CLK1: variants seen among roughly 807,000 people sequenced by gnomAD.
CLK1 encodes the protein dual specificity protein kinase CLK1.
CLK1 carries 40 observed loss-of-function variants against 60.9 expected under a neutral mutation model. The ratio of observed to expected loss-of-function variants is 0.66; its 90% CI spans 0.51 to 0.86. The LOEUF is 0.86. Ranked by LOEUF, CLK1 falls within the 40% of genes least tolerant of loss-of-function variation. CLK1 has a pLI of 0.00. For missense variants in CLK1, 563 were observed against 606.1 expected (o/e 0.93, Z 0.75); for synonymous variants, 203 against 184.4 (o/e 1.10, Z -0.82).
At chr2:200,855,630 CAA>C in intron 9 of CLK1, among the ~76,000 whole-genome samples, 1 of 117,890 alleles carries the variant, frequency 8.5e-6, no homozygotes, top group Admixed American at 8.4e-5. Flanking sequence ...GCCCCCCCCC[CAA>C]AAAATTATAT....
At chr2:200,855,179 A>AC in intron 9 of CLK1, 93 bp from the exon 10 acceptor site, 1 of 947,484 alleles carries the variant, frequency 1.1e-6, no homozygotes, top group East Asian at 2.6e-5. Flanking sequence ...TAAAAAAAAA[A>AC]ACACATGTAA....
intron 1 of CLK1, chr2:200,864,146 GAACCCCAGCA>G (rs1559329792): frequency 6.4e-7 from 1 of 1,551,296 alleles, no homozygotes; most frequent in Non-Finnish European, 8.7e-7. Flanking sequence ...GCACATTCTG[GAACCCCAGCA>G]AATCCCCCCT....
At chr2:200,853,838 C>T (rs531214206) in intron 12 of CLK1, 65 bp downstream of exon 12, 41 of 1,274,974 alleles carry the variant, frequency 3.2e-5, no homozygotes, top group African/African-American at 3.0e-5. Flanking sequence ...AAGCAAGGCT[C>T]GGTCTCAAAA....
chr2:200,854,311 G>A lies in CLK1; in HGVS notation c.1220+305C>T, dbSNP rs563837009. 1.3e-3 allele frequency among the ~76,000 whole-genome samples: 200 copies of A among 152,116 alleles called. 2 individuals are homozygous for A. Among genetic ancestry groups the A allele is most frequent in the African/African-American group, 4.6e-3 (189 of 41,508 alleles). On this transcript the variant is annotated intron_variant, in intron 11 of 12. Transcript: ENST00000321356. Reference sequence around the variant, plus strand: ...AGCACTTTGGGAGGCCGAGGTGGGCGGATCACAAGGTCAGGAGATCGAGAC... The same window carrying A: ...AGCACTTTGGGAGGCCGAGGTGGGCAGATCACAAGGTCAGGAGATCGAGAC...
chr2:200,861,997 C>T lies in CLK1; in HGVS notation c.1-135G>A, dbSNP rs1575081507. On this transcript the variant is annotated intron_variant, in intron 1 of 12. Coordinates refer to ENST00000321356, the MANE Select transcript of CLK1 (RefSeq NM_004071.4). The stretch of plus-strand genomic sequence containing the variant: ...GAATCATTATCACCCAATCTGAAAT[C>T]ACTGATAAATCCAATTACTGTGTTG... The T allele has an allele frequency of 4.4e-6, 3 of 680,096 alleles. No homozygotes were observed. In the East Asian group the frequency reaches 8.1e-5, roughly 18 times the overall value. 42.1% of individuals were successfully genotyped at this position (680,096 alleles called of 1,614,324 possible).
intron 3 of CLK1, chr2:200,860,889 A>C: frequency 9.3e-7 from 1 of 1,079,546 alleles, no homozygotes; most frequent in South Asian, 3.0e-5. Flanking sequence ...GCCCTGTTCT[A>C]CTTTTGTGAT....
intron 7 of CLK1, 123 bp from the exon 8 acceptor site, chr2:200,857,108 C>T (rs10427276): frequency 7.0e-6 from 5 of 719,216 alleles, no homozygotes; most frequent in Non-Finnish European, 7.1e-6. Context: ...GAGTTCGAGA[C>T]CAGCCTGACC....
At chr2:200,863,334 G>T (rs1179496834) in intron 1 of CLK1, 1 of 152,240 alleles carries the variant, frequency 6.6e-6, no homozygotes, top group African/African-American at 2.4e-5. Context: ...CGAAGCAGGA[G>T]GGCTGCTTGA....
intron 11 of CLK1, 81 bp downstream of exon 11, chr2:200,854,535 C>CAA (rs5837758): frequency 6.7e-4 from 468 of 696,388 alleles, no homozygotes; most frequent in East Asian, 1.4e-3. Flanking sequence ...GACTCCATCT[C>CAA]AAAAAAAAAA....
At chr2:200,857,684 C>T (rs2039065764) in intron 7 of CLK1, 34 bp downstream of exon 7, 2 of 1,535,752 alleles carry the variant, frequency 1.3e-6, no homozygotes, top group Non-Finnish European at 1.8e-6. Context: ...ATGGATAAAA[C>T]CAGCAAATTA....
chr2:200,856,388 T>C (rs964293545), intron 9 of CLK1, among the ~76,000 whole-genome samples: 2 of 152,076 alleles, frequency 1.3e-5, no homozygotes, highest in African/African-American at 2.4e-5. Context: ...CCCAAAGTGC[T>C]GAGATTACAG....
At position 200,861,785 on chromosome 2, in the gene CLK1, G is replaced by A. The variant is rs371515519; in HGVS notation, c.78C>T (p.Ser26=). 1.7e-5 allele frequency: 27 copies of A among 1,613,388 alleles called. No individual in the cohort carries two copies. The highest frequency in any genetic ancestry group is 2.2e-5 in the Non-Finnish European group (26 of 1,179,550). Residue 26 remains serine (S), a synonymous_variant, in exon 2 of 13, where the codon AGC becomes AGT. Transcript: ENST00000321356. The stretch of plus-strand genomic sequence containing the variant: ...GTGATCTCTTCCTTCTTTTATGACT[G>A]CTGCTGCTCCTCCATTTTCCATAAT... ...DWDYGKWRSS[S]SHKRRKRSHS... is the part of the protein sequence containing the mutation.
At position 200,853,077 on chromosome 2, in the gene CLK1, C is replaced by T; in HGVS notation, c.*229G>A. ...TAGAACAAACTGTTCAGATACATATCAACTTCATAAGCACAAAAAATTTAT... is the reference window on the plus strand; with the variant it reads ...TAGAACAAACTGTTCAGATACATATTAACTTCATAAGCACAAAAAATTTAT... On this transcript the variant is annotated 3_prime_UTR_variant, in exon 13 of 13. Coordinates refer to ENST00000321356, the MANE Select transcript of CLK1 (RefSeq NM_004071.4). 1 of 362,796 alleles carries T rather than the reference C, an allele frequency of 2.8e-6. No homozygotes were observed. 22.5% of individuals were successfully genotyped at this position (362,796 alleles called of 1,614,324 possible). A position where few individuals can be genotyped will look rare whatever the true frequency, so the allele number is the denominator to read the frequency against.
chr2:200,860,029 G>C, intron 4 of CLK1, 96 bp downstream of exon 4: 1 of 1,499,498 alleles, frequency 6.7e-7, no homozygotes, highest in Non-Finnish European at 8.9e-7. Flanking sequence ...AAACAAAAAA[G>C]AGAAAGAAAA....
chr2:200,855,573 C>T (rs182310151), intron 9 of CLK1, among the ~76,000 whole-genome samples: 73 of 151,926 alleles, frequency 4.8e-4, no homozygotes, highest in African/African-American at 1.3e-3. Context: ...TGCGGTGAGC[C>T]GAGATCGCGC....
At chr2:200,854,588 A>G in intron 11 of CLK1, 28 bp downstream of exon 11, 1 of 1,353,200 alleles carries the variant, frequency 7.4e-7, no homozygotes, top group East Asian at 2.3e-5. Context: ...AAATGATACT[A>G]AGGATGTCAC....
In CLK1 at chr2:200,855,062, T is replaced by G; in HGVS notation, c.1082A>C (p.Asp361Ala). 6.2e-7 allele frequency: 1 copy of G among 1,612,334 alleles called. No individual in the cohort carries two copies. Among genetic ancestry groups the G allele is most frequent in the South Asian group, 1.1e-5 (1 of 90,570 alleles). Reference protein sequence around the residue: ...ILALGWSQPCDVWSIGCILIE... With the variant: ...ILALGWSQPCAVWSIGCILIE... ...AAGAATGCATCCTATGCTCCAGACA[T>G]CACATGGTTGGGACCACCCTAGGGC... Residue 361 changes from aspartate (D) to alanine (A), a missense_variant, in exon 10 of 13, where the codon GAT becomes GCT. This residue lies in a region of CLK1 where 360 missense variants were observed against 407.0 expected (regional missense o/e 0.88). Transcript: ENST00000321356.
intron 9 of CLK1, among the ~76,000 whole-genome samples, chr2:200,856,168 T>C (rs942902937): frequency 1.6e-4 from 25 of 151,762 alleles, no homozygotes; most frequent in South Asian, 6.3e-4. Flanking sequence ...CGCCTCCCGG[T>C]GTTCAAGCAA....
intron 5 of CLK1, 38 bp from the exon 6 acceptor site, chr2:200,858,127 C>CATG (rs1251547698): frequency 1.6e-6 from 2 of 1,272,738 alleles, no homozygotes; most frequent in African/African-American, 2.9e-5. Flanking sequence ...GAATGACAGA[C>CATG]ATGATGCTCA....
Sources: gnomAD v4.1 joint callset for allele counts (sites outside exome capture counted in the v4.1 genomes callset) on GRCh38, gnomAD v4.1.1 for gene constraint, gnomAD v4.1.1 regional missense constraint, MANE v1.5 for transcripts, NCBI Gene and HGNC (gene_info 2026-07-23, HGNC 2026-07-21) for gene names.